Variants in CFAP107 observed in about 807,000 individuals in gnomAD.
CFAP107 encodes cilia- and flagella-associated protein 107.
At chr1:12,754,018 T>A in the CFAP107 span, 1 of 151,644 alleles carries the variant, frequency 6.6e-6, no homozygotes, top group East Asian at 1.9e-4. Flanking sequence ...AAGAAAAAAA[T>A]AATAAACTGG....
the CFAP107 span, among the ~76,000 whole-genome samples, chr1:12,757,062 C>T: frequency 2.0e-5 from 3 of 152,164 alleles, no homozygotes; most frequent in Admixed American, 1.3e-4. Flanking sequence ...ACCAGCAGTG[C>T]GCATTAAAGA....
At chr1:12,756,686 G>T in the CFAP107 span, among the ~76,000 whole-genome samples, 1 of 152,178 alleles carries the variant, frequency 6.6e-6, no homozygotes, top group Non-Finnish European at 1.5e-5. Flanking sequence ...TCAACTCAGG[G>T]TGGCAGCAGA....
the CFAP107 span, among the ~76,000 whole-genome samples, chr1:12,755,361 C>T: frequency 1.2e-4 from 18 of 151,706 alleles, no homozygotes; most frequent in Non-Finnish European, 2.4e-4. Flanking sequence ...GCCGAGATTG[C>T]GCCACTGCAC....
chr1:12,755,047 CTAAT>C, the CFAP107 span, among the ~76,000 whole-genome samples: 1 of 151,872 alleles, frequency 6.6e-6, no homozygotes, highest in African/African-American at 2.4e-5. Flanking sequence ...TTTAAGAAAA[CTAAT>C]TAGAGAACAA....
At chr1:12,753,281 T>C in the CFAP107 span, 1 of 151,136 alleles carries the variant, frequency 6.6e-6, no homozygotes, top group East Asian at 1.9e-4. Context: ...TGTTAAGATA[T>C]CAATACTACA....
the CFAP107 span, chr1:12,761,027 T>G: frequency 7.2e-7 from 1 of 1,392,006 alleles, no homozygotes; most frequent in Admixed American, 2.1e-5. Context: ...AGACAACAAG[T>G]GGCGCAGATA....
chr1:12,747,956 G>A, the CFAP107 span, among the ~76,000 whole-genome samples: 2 of 152,236 alleles, frequency 1.3e-5, no homozygotes, highest in East Asian at 1.9e-4. Flanking sequence ...GCACAAAAAC[G>A]TTATAGGAGC....
the CFAP107 span, among the ~76,000 whole-genome samples, chr1:12,749,070 T>C: frequency 6.6e-6 from 1 of 151,990 alleles, no homozygotes; most frequent in African/African-American, 2.4e-5. Flanking sequence ...GGGAATTCCA[T>C]AAGGAGAAGA....
At chr1:12,762,107 G>C in the CFAP107 span, 1,176 of 152,358 alleles carry the variant, frequency 7.7e-3, 10 homozygotes, top group South Asian at 0.021. Context: ...CCCAGTATGG[G>C]AGCCTGAGTC....
chr1:12,749,177 A>T, the CFAP107 span, among the ~76,000 whole-genome samples: 1 of 152,238 alleles, frequency 6.6e-6, no homozygotes, highest in East Asian at 1.9e-4. Flanking sequence ...AAGAAGTTCA[A>T]TGAACTCCAA....
the CFAP107 span, among the ~76,000 whole-genome samples, chr1:12,747,675 T>C: frequency 6.6e-6 from 1 of 152,194 alleles, no homozygotes; most frequent in African/African-American, 2.4e-5. Context: ...ACCACCTCTC[T>C]GGCCAGATAC....
chr1:12,759,563 A>G, the CFAP107 span: 1 of 1,540,642 alleles, frequency 6.5e-7, no homozygotes, highest in Non-Finnish European at 9.0e-7. Context: ...TACCTGCCTC[A>G]TGCAGAAGGA....
the CFAP107 span, among the ~76,000 whole-genome samples, chr1:12,750,391 C>CT: frequency 2.0e-5 from 3 of 152,134 alleles, no homozygotes; most frequent in Non-Finnish European, 4.4e-5. Context: ...TCAGTAATCA[C>CT]TTTTAAATGT....
the CFAP107 span, among the ~76,000 whole-genome samples, chr1:12,747,519 A>G: frequency 1.6e-4 from 25 of 152,322 alleles, no homozygotes; most frequent in African/African-American, 5.8e-4. Flanking sequence ...AGACTGAGCC[A>G]CTTAAAGCTT....
chr1:12,763,349 G>C, the CFAP107 span: 2 of 152,268 alleles, frequency 1.3e-5, no homozygotes, highest in Admixed American at 6.5e-5. Flanking sequence ...CGAAAGTAAA[G>C]GATGTCATGA....
chr1:12,757,269 A>C, the CFAP107 span, among the ~76,000 whole-genome samples: 2 of 151,680 alleles, frequency 1.3e-5, no homozygotes, highest in African/African-American at 4.9e-5. Context: ...AACTCCACCC[A>C]CCACCCCCCC....
the CFAP107 span, chr1:12,759,333 C>A: frequency 6.2e-7 from 1 of 1,614,078 alleles, no homozygotes; most frequent in Non-Finnish European, 8.5e-7. Flanking sequence ...AACACCTGAT[C>A]ACCCACCACC....
the CFAP107 span, among the ~76,000 whole-genome samples, chr1:12,747,933 A>G: frequency 1.3e-5 from 2 of 152,224 alleles, no homozygotes; most frequent in South Asian, 2.1e-4. Context: ...CCATGGAAAC[A>G]TTAAAGAAAA....
At chr1:12,748,652 A>G in the CFAP107 span, among the ~76,000 whole-genome samples, 5 of 152,148 alleles carry the variant, frequency 3.3e-5, no homozygotes, top group East Asian at 5.8e-4. Flanking sequence ...CAAACGCCCA[A>G]TTTTCAACGA....
Sources: allele counts gnomAD v4.1 joint callset (sites outside exome capture counted in the v4.1 genomes callset), GRCh38; gene constraint gnomAD v4.1.1; transcripts MANE v1.5; gene names NCBI Gene and HGNC (gene_info 2026-07-23, HGNC 2026-07-21).